The following PCDHGB3 variants were observed in gnomAD, a reference collection of about 807,000 sequenced individuals.
PCDHGB3 encodes protocadherin gamma-B3.
A neutral mutation model predicts 59.2 loss-of-function variants in PCDHGB3; 40 were observed. The observed-to-expected ratio is 0.68, with a 90% CI of 0.52 to 0.88. PCDHGB3 has a LOEUF of 0.88. Ranked by LOEUF, PCDHGB3 falls within the 40% of genes least tolerant of loss-of-function variation. The pLI, the probability that PCDHGB3 is intolerant of heterozygous loss-of-function variation, is 0.00. For missense variants in PCDHGB3, 1,309 were observed against 1,187.9 expected, an observed-to-expected ratio of 1.10 and a Z score of -1.50; for synonymous variants, 581 against 503.6, an observed-to-expected ratio of 1.15 and a Z score of -2.06.
intron 3 of PCDHGB3, chr5:141,507,213 G>C (rs1016967764): frequency 6.6e-6 from 1 of 152,558 alleles, no homozygotes; most frequent in African/African-American, 2.4e-5. Context: ...AGGGTTGCCA[G>C]ATAAAATACA....
intron 1 of PCDHGB3, chr5:141,373,960 G>A: frequency 1.1e-6 from 1 of 939,502 alleles, no homozygotes; most frequent in African/African-American, 1.7e-5. Flanking sequence ...ATTCTGACCT[G>A]AAACGCTTCG....
Position 141,491,415 on chromosome 5 carries a change from G to GGGT in PCDHGB3, c.2416-3389_2416-3387dup. 1 of 1,614,126 alleles carries GGGT rather than the reference G, an allele frequency of 6.2e-7. No individual in the cohort carries two copies. Among genetic ancestry groups the GGGT allele is most frequent in the Non-Finnish European group, 8.5e-7 (1 of 1,180,034 alleles). ...TTCAGGGAAACGCAGACGGGGACGG[G>GGGT]GGTGGAGGGCAGTGCTGCAGGCGCC... On this transcript the variant is annotated intron_variant, in intron 1 of 3. Transcript: ENST00000576222. The surrounding 1 kb of genome is among the most constrained non-coding windows in gnomAD (Gnocchi z 6.9).
chr5:141,489,206 C>A lies in PCDHGB3; in HGVS notation c.2416-5601C>A. On this transcript the variant is annotated intron_variant, in intron 1 of 3. Transcript: ENST00000576222. This position sits in a 1 kb window ranked among gnomAD's most constrained non-coding sequence, Gnocchi z 4.5. ...TGGGTCTACCTTGGAGACAGGACAG[C>A]ACAGACTTACTCTCCACAAAGGGAC... 2 of 1,439,024 alleles carry A rather than the reference C, an allele frequency of 1.4e-6. No individual in the cohort carries two copies. Among genetic ancestry groups the A allele is most frequent in the Non-Finnish European group, 1.9e-6 (2 of 1,060,928 alleles). 89.1% of individuals were successfully genotyped at this position (1,439,024 alleles called of 1,614,324 possible). A position where few individuals can be genotyped will look rare whatever the true frequency, so the allele number is the denominator to read the frequency against.
At chr5:141,459,215 G>C (rs2098963353) in intron 1 of PCDHGB3, among the ~76,000 whole-genome samples, 1 of 152,112 alleles carries the variant, frequency 6.6e-6, no homozygotes, top group South Asian at 2.1e-4. Flanking sequence ...TACTTCTCCA[G>C]CTCCAGGCAA....
At chr5:141,453,029 A>G (rs1014709934) in intron 1 of PCDHGB3, among the ~76,000 whole-genome samples, 1 of 152,206 alleles carries the variant, frequency 6.6e-6, no homozygotes, top group Non-Finnish European at 1.5e-5. Context: ...TCATTAAAAT[A>G]AAGTTTGTTT....
intron 1 of PCDHGB3, among the ~76,000 whole-genome samples, chr5:141,460,981 G>A (rs35435563): frequency 1.6e-4 from 20 of 121,900 alleles, no homozygotes; most frequent in African/African-American, 3.7e-4. Context: ...GTGTGTGTGT[G>A]TGTATATATA....
chr5:141,491,409 G>C lies in PCDHGB3; in HGVS notation c.2416-3398G>C, dbSNP rs2099711927. 6.2e-7 allele frequency: 1 copy of C among 1,614,000 alleles called. No homozygotes were observed. Among genetic ancestry groups the C allele is most frequent in the Non-Finnish European group, 8.5e-7 (1 of 1,180,022 alleles). The stretch of plus-strand genomic sequence containing the variant: ...AGTGCCTTCAGGGAAACGCAGACGG[G>C]GACGGGGGTGGAGGGCAGTGCTGCA... On this transcript the variant is annotated intron_variant, in intron 1 of 3. Coordinates refer to ENST00000576222, the MANE Select transcript of PCDHGB3 (RefSeq NM_018924.5). This position sits in a 1 kb window ranked among gnomAD's most constrained non-coding sequence, Gnocchi z 6.9.
chr5:141,420,009 A>T, intron 1 of PCDHGB3: 1 of 1,614,088 alleles, frequency 6.2e-7, no homozygotes, highest in Non-Finnish European at 8.5e-7. Context: ...CGCCTGCGAC[A>T]GTCTTTCAGC....
Position 141,511,029 on chromosome 5 carries a change from G to A in PCDHGB3, c.2646G>A (p.Leu882=), listed in dbSNP as rs1372346241. The part of the protein sequence containing the change: ...LSARYGPQFT[L]QHVPDYRQNV... ...CCCGCTACGGACCCCAGTTCACCCT[G>A]CAGCACGTGCCCGACTACCGCCAGA... The change falls in exon 4 of 4, where the codon CTG becomes CTA. Residue 882 remains leucine, a synonymous_variant. Transcript: ENST00000576222. 6.2e-7 allele frequency: 1 copy of A among 1,614,078 alleles called. No individual in the cohort carries two copies. Among genetic ancestry groups the A allele is most frequent in the Non-Finnish European group, 8.5e-7 (1 of 1,180,032 alleles).
rs530261329 is a variant in PCDHGB3, at chr5:141,440,076, A to G, written c.2416-54731A>G. 2.4e-4 allele frequency: 37 copies of G among 152,560 alleles called. No individual in the cohort carries two copies. In the South Asian group the frequency reaches 3.7e-3, roughly 15 times the overall value. The allele number at this position is 152,560 out of a possible 1,614,324, so 9.5% of individuals were successfully genotyped here. On this transcript the variant is annotated intron_variant, in intron 1 of 3. Coordinates refer to ENST00000576222, the MANE Select transcript of PCDHGB3 (RefSeq NM_018924.5). Reference sequence around the variant, plus strand: ...CTTCGGGTTAATGCTGAGGAATAATACTTCATTCTAAGTGGGGAAAGTGGA... The same window carrying G: ...CTTCGGGTTAATGCTGAGGAATAATGCTTCATTCTAAGTGGGGAAAGTGGA...
chr5:141,472,200 C>A (rs2099274166), intron 1 of PCDHGB3, among the ~76,000 whole-genome samples: 1 of 152,110 alleles, frequency 6.6e-6, no homozygotes, highest in Non-Finnish European at 1.5e-5. Flanking sequence ...ATCTTTTTGA[C>A]ACTAAGACCT....
chr5:141,475,977 A>C, intron 1 of PCDHGB3: 1 of 972,828 alleles, frequency 1.0e-6, no homozygotes, highest in Non-Finnish European at 1.5e-6. Flanking sequence ...GAGACTGAAC[A>C]GCCGGCGAGC....
At chr5:141,470,252 C>T (rs1010559144) in intron 1 of PCDHGB3, among the ~76,000 whole-genome samples, 3 of 152,160 alleles carry the variant, frequency 2.0e-5, no homozygotes, top group Admixed American at 1.3e-4. Context: ...TCCCACCTGT[C>T]TAAATGGAGA....
intron 1 of PCDHGB3, among the ~76,000 whole-genome samples, chr5:141,434,630 A>G (rs2097706465): frequency 6.6e-6 from 1 of 152,106 alleles, no homozygotes; most frequent in African/African-American, 2.4e-5. Flanking sequence ...CGTTTCCCAT[A>G]AGGGATACTT....
At chr5:141,453,989 A>T (rs902043628) in intron 1 of PCDHGB3, among the ~76,000 whole-genome samples, 6 of 152,256 alleles carry the variant, frequency 3.9e-5, no homozygotes, top group African/African-American at 1.4e-4. Context: ...CCTTCCAGTG[A>T]TAAACCCACA....
In PCDHGB3 at chr5:141,413,886, C is replaced by T. The variant is rs916273509; in HGVS notation, c.2415+41077C>T. The T allele has an allele frequency of 8.7e-6, 14 of 1,613,202 alleles. No homozygotes were observed. The African/African-American group carries it at 1.7e-4, about 20-fold the overall frequency. On this transcript the variant is annotated intron_variant, in intron 1 of 3. Transcript: ENST00000576222. ...CTGTCCTTGTCAGTGTGACTGTCTT[C>T]GATGCAAATGACAACGCGCCGGTCT...
At position 141,389,685 on chromosome 5, in the gene PCDHGB3, TG is replaced by T. The variant is rs1303219922; in HGVS notation, c.2415+16878del. 1.8e-5 allele frequency: 29 copies of T among 1,612,354 alleles called. No homozygotes were observed. In the East Asian group the frequency reaches 6.2e-4, roughly 35 times the overall value. On this transcript the variant is annotated intron_variant, in intron 1 of 3. Coordinates refer to ENST00000576222, the MANE Select transcript of PCDHGB3 (RefSeq NM_018924.5). ...GGACGCAGACTCAGGACACAACGCC[TG>T]GCTGTCCTACCACGTGCTGCAGGCT...
chr5:141,474,626 G>A (rs1006911535), intron 1 of PCDHGB3, among the ~76,000 whole-genome samples: 5 of 152,288 alleles, frequency 3.3e-5, no homozygotes, highest in African/African-American at 9.6e-5. Flanking sequence ...CATCTCTTCC[G>A]GAAATATCCT....
chr5:141,470,872 TTTTTTG>T (rs900302332), intron 1 of PCDHGB3, among the ~76,000 whole-genome samples: 3 of 151,814 alleles, frequency 2.0e-5, no homozygotes, highest in African/African-American at 4.8e-5. Context: ...GTTTGTTTGT[TTTTTTG>T]TTTTTGTTTT....
Sources: allele counts gnomAD v4.1 joint callset (sites outside exome capture counted in the v4.1 genomes callset), GRCh38; gene constraint gnomAD v4.1.1; non-coding constraint Gnocchi (gnomAD v3.1); transcripts MANE v1.5; gene names NCBI Gene and HGNC (gene_info 2026-07-23, HGNC 2026-07-21).